The following ARHGEF7 variants were observed in gnomAD, a reference collection of about 807,000 sequenced individuals.
ARHGEF7 encodes PAK-interacting exchange factor beta.
In ARHGEF7, 33 loss-of-function variants were observed where a neutral mutation model predicts 109.8. The ratio of observed to expected loss-of-function variants is 0.30; its 90% CI spans 0.23 to 0.40. The LOEUF is 0.40. ARHGEF7 is among the 10% of genes least tolerant of loss of function. ARHGEF7 has a pLI of 1.00. For missense variants in ARHGEF7, 938 were observed against 1,098.5 expected (o/e 0.85, Z 2.07); for synonymous variants, 458 against 424.6 (o/e 1.08, Z -0.97).
At chr13:111,120,421 ACG>A (rs1442265863) in intron 1 of ARHGEF7, among the ~76,000 whole-genome samples, 8 of 152,234 alleles carry the variant, frequency 5.3e-5, no homozygotes, top group South Asian at 2.1e-4. Context: ...TTATGCACAC[ACG>A]CATGCATGCC....
chr13:111,292,027 CTTTTGT>C, intron 18 of ARHGEF7, 85 bp from the exon 19 acceptor site: 1 of 1,092,128 alleles, frequency 9.2e-7, no homozygotes. Context: ...TCACCTTTTG[CTTTTGT>C]TCCATGTTTT....
chr13:111,272,610 T>C lies in ARHGEF7; in HGVS notation c.1074-1204T>C, dbSNP rs1275134356. Among the ~76,000 whole-genome samples, 1 of 152,170 alleles carries C rather than the reference T, an allele frequency of 6.6e-6. No individual in the cohort carries two copies. The highest frequency in any genetic ancestry group is 1.5e-5 in the Non-Finnish European group (1 of 68,026). Reference sequence around the variant, plus strand: ...CCAAGCTCTGCTGACTAGAGACCCCTATCTTCTAGGATGGGGCGTGGTGAT... The same window carrying C: ...CCAAGCTCTGCTGACTAGAGACCCCCATCTTCTAGGATGGGGCGTGGTGAT... On this transcript the variant is annotated intron_variant, in intron 9 of 21. Coordinates refer to ENST00000646102, the MANE Select transcript of ARHGEF7 (RefSeq NM_001354046.2). This position sits in a 1 kb window ranked among gnomAD's most constrained non-coding sequence, Gnocchi z 5.2.
intron 5 of ARHGEF7, among the ~76,000 whole-genome samples, chr13:111,224,584 A>T (rs572436411): frequency 6.6e-6 from 1 of 152,360 alleles, no homozygotes; most frequent in South Asian, 2.1e-4. Context: ...TTTGGCAGTG[A>T]TGTGAGAGCT....
chr13:111,119,867 A>G (rs548973539), intron 1 of ARHGEF7, among the ~76,000 whole-genome samples: 22 of 152,322 alleles, frequency 1.4e-4, no homozygotes, highest in African/African-American at 5.3e-4. Flanking sequence ...TGGCCCTAAA[A>G]AGAACGTGAT....
Position 111,147,698 on chromosome 13 carries a change from T to C in ARHGEF7, c.166-6207T>C, listed in dbSNP as rs1041130225. On this transcript the variant is annotated intron_variant, in intron 1 of 21. Coordinates refer to ENST00000646102, the MANE Select transcript of ARHGEF7 (RefSeq NM_001354046.2). Reference sequence around the variant, plus strand: ...TCCAACTCAGAGGTCACCTTTTTTTTTTTTTTTTTTTTTTTTTGAGACGGA... The same window carrying C: ...TCCAACTCAGAGGTCACCTTTTTTTCTTTTTTTTTTTTTTTTTGAGACGGA... Among the ~76,000 whole-genome samples, 5 of 142,026 alleles carry C rather than the reference T, an allele frequency of 3.5e-5. No individual in the cohort carries two copies. The South Asian group carries it at 1.2e-3, about 34-fold the overall frequency. 93.2% of individuals were successfully genotyped at this position (142,026 alleles called of 152,430 possible). A position where few individuals can be genotyped will look rare whatever the true frequency, so the allele number is the denominator to read the frequency against.
intron 2 of ARHGEF7, among the ~76,000 whole-genome samples, chr13:111,169,479 A>G (rs1300071121): frequency 2.0e-5 from 3 of 152,110 alleles, no homozygotes; most frequent in East Asian, 1.9e-4. Context: ...TGAAACAACC[A>G]TATCTCACCA....
Position 111,217,673 on chromosome 13 carries a change from T to G in ARHGEF7, c.469-6T>G, listed in dbSNP as rs369515749. 40 of 1,612,812 alleles carry G rather than the reference T, an allele frequency of 2.5e-5. No homozygotes were observed. In the African/African-American group the frequency reaches 4.5e-4, roughly 18 times the overall value. On this transcript the variant is annotated splice_region_variant and splice_polypyrimidine_tract_variant and intron_variant, in intron 4 of 21. Transcript: ENST00000646102. The stretch of plus-strand genomic sequence containing the variant: ...AATTTTTCTCCCACTCTTCTTCCCC[T>G]TTTAGGACATGACCGATAATAGCAA...
At chr13:111,147,199 C>T (rs2075639948) in intron 1 of ARHGEF7, among the ~76,000 whole-genome samples, 1 of 152,188 alleles carries the variant, frequency 6.6e-6, no homozygotes, top group Non-Finnish European at 1.5e-5. Context: ...GCTTTCATCT[C>T]TCTTGGGTAA....
intron 2 of ARHGEF7, among the ~76,000 whole-genome samples, chr13:111,205,051 G>A (rs934470966): frequency 1.5e-4 from 23 of 152,312 alleles, no homozygotes; most frequent in Admixed American, 9.1e-4. Context: ...GGGCAGGGGC[G>A]GGTGTTGGGT....
intron 5 of ARHGEF7, among the ~76,000 whole-genome samples, chr13:111,218,101 A>AT (rs2083355599): frequency 6.6e-6 from 1 of 151,830 alleles, no homozygotes; most frequent in Non-Finnish European, 1.5e-5. Context: ...TCATCCTGGC[A>AT]TTTTCCAGAC....
chr13:111,283,142 C>T lies in ARHGEF7; in HGVS notation c.1729C>T (p.Pro577Ser). ...KPHSVPSHTL[P>S]SHPVTPSSKH... ...TCCCGCTCTGTGCCCTTGGCAGCTC[C>T]CCTCCCACCCGGTCACTCCGTCCAG... Residue 577 changes from proline (P) to serine (S), a missense_variant, in exon 16 of 22, where the codon CCC (proline) becomes TCC (serine). Physicochemically the swap from Pro to Ser is moderately conservative, Grantham distance 74. This residue lies in a region of ARHGEF7 where 585 missense variants were observed against 723.6 expected (regional missense o/e 0.81). Transcript: ENST00000646102. 6.3e-7 allele frequency: 1 copy of T among 1,583,568 alleles called. No homozygotes were observed.
rs981438967 is a variant in ARHGEF7, at chr13:111,145,654, C to T, written c.166-8251C>T. On this transcript the variant is annotated intron_variant, in intron 1 of 21. Coordinates refer to ENST00000646102, the MANE Select transcript of ARHGEF7 (RefSeq NM_001354046.2). The surrounding 1 kb of genome is among the most constrained non-coding windows in gnomAD (Gnocchi z 4.3). ...CCAGTGTGACGGGGTGACACCCATA[C>T]AGCCCACTGTGAGCCAGCTCCAGCA... Among the ~76,000 whole-genome samples the T allele has an allele frequency of 1.3e-5, 2 of 152,204 alleles. No individual in the cohort carries two copies. Among genetic ancestry groups the T allele is most frequent in the South Asian group, 2.1e-4 (1 of 4,830 alleles).
rs2092225937 is a variant in ARHGEF7 at position 111,272,423 on chromosome 13, C to T, written c.1074-1391C>T. Among the ~76,000 whole-genome samples, 1 of 152,134 alleles carries T rather than the reference C, an allele frequency of 6.6e-6. No individual in the cohort carries two copies. The highest frequency in any genetic ancestry group is 1.5e-5 in the Non-Finnish European group (1 of 68,030). On this transcript the variant is annotated intron_variant, in intron 9 of 21. Transcript: ENST00000646102. This position sits in a 1 kb window ranked among gnomAD's most constrained non-coding sequence, Gnocchi z 5.2. Reference sequence around the variant, plus strand: ...GTGGGAGGCTCCTGTGAGACCAGAACCGGAAATTGGCTTGTTTCTCAGTTT... The same window carrying T: ...GTGGGAGGCTCCTGTGAGACCAGAATCGGAAATTGGCTTGTTTCTCAGTTT...
At chr13:111,185,995 TGTGTGTGTG>T (rs2079213562) in intron 2 of ARHGEF7, among the ~76,000 whole-genome samples, 1 of 151,742 alleles carries the variant, frequency 6.6e-6, no homozygotes, top group African/African-American at 2.4e-5. Flanking sequence ...TGTGTGTGTG[TGTGTGTGTG>T]TTTTCGTTTT....
intron 2 of ARHGEF7, chr13:111,186,721 G>T (rs1476910297): frequency 4.5e-6 from 3 of 670,148 alleles, no homozygotes; most frequent in Non-Finnish European, 5.5e-6. Context: ...ACAATTTCTT[G>T]TGTCAAGAAT....
chr13:111,135,586 GCTCT>G (rs1190229593), intron 1 of ARHGEF7, among the ~76,000 whole-genome samples: 5 of 152,098 alleles, frequency 3.3e-5, no homozygotes, highest in Admixed American at 2.6e-4. Context: ...TCATTATTTG[GCTCT>G]CTGTTTGTCT....
At chr13:111,203,846 T>A (rs2081458817) in intron 2 of ARHGEF7, among the ~76,000 whole-genome samples, 1 of 152,236 alleles carries the variant, frequency 6.6e-6, no homozygotes, top group Non-Finnish European at 1.5e-5. Context: ...TTTTCTTAGC[T>A]TCTCTTGGCG....
chr13:111,252,977 C>T (rs1359429), intron 8 of ARHGEF7, among the ~76,000 whole-genome samples: 85,492 of 152,194 alleles, frequency 0.56, 24,459 homozygotes, highest in South Asian at 0.61. Flanking sequence ...GCAGCCCCAG[C>T]GAGAGCCCCC....
chr13:111,283,115 C>A, intron 15 of ARHGEF7, 24 bp from the exon 16 acceptor site: 6 of 1,563,476 alleles, frequency 3.8e-6, no homozygotes, highest in Non-Finnish European at 5.2e-6. Context: ...GTTCTCTGCC[C>A]TTCCCGCTCT....
Sources: gnomAD v4.1 joint callset for allele counts (sites outside exome capture counted in the v4.1 genomes callset) on GRCh38, gnomAD v4.1.1 for gene constraint, gnomAD v4.1.1 regional missense constraint, Gnocchi (gnomAD v3.1) non-coding constraint, MANE v1.5 for transcripts, NCBI Gene and HGNC (gene_info 2026-07-23, HGNC 2026-07-21) for gene names.